SGIP1: variants seen among roughly 807,000 people sequenced by gnomAD.
The protein encoded by SGIP1 is SH3GL interacting endocytic adaptor 1, also known as SH3-containing GRB2-like protein 3-interacting protein 1.
A neutral mutation model predicts 107.5 loss-of-function variants in SGIP1; 38 were observed. The observed-to-expected ratio is 0.35, with a 90% CI of 0.27 to 0.46. The LOEUF is 0.46. Among genes scored for constraint, SGIP1 ranks in the 20% least tolerant of loss-of-function variants. The probability of loss-of-function intolerance (pLI) is 1.00; values close to 1 mark genes in which losing one functional copy is unlikely to be tolerated. For missense variants in SGIP1, 929 were observed against 1,019.5 expected, an observed-to-expected ratio of 0.91 and a Z score of 1.21; for synonymous variants, 365 against 366.1, an observed-to-expected ratio of 1.00 and a Z score of 0.03.
Position 66,656,349 on chromosome 1 carries a change from G to GT in SGIP1, c.460-4158dup, listed in dbSNP as rs947901684. 3.9e-5 allele frequency among the ~76,000 whole-genome samples: 6 copies of GT among 152,150 alleles called. 1 individual carries two copies. Among genetic ancestry groups the GT allele is most frequent in the Non-Finnish European group, 8.8e-5 (6 of 68,024 alleles). On this transcript the variant is annotated intron_variant, in intron 7 of 24. Transcript: ENST00000371037. ...AGGCTGTTTTACAGTTAGTTAACTT[G>GT]TTTTTTATAAGTGGAAGGAGTATAC...
chr1:66,600,039 A>AT (rs2065468955), intron 1 of SGIP1, among the ~76,000 whole-genome samples: 1 of 152,164 alleles, frequency 6.6e-6, no homozygotes, highest in Non-Finnish European at 1.5e-5. Context: ...GGTTTGACAC[A>AT]TTGGTCTCCA....
intron 16 of SGIP1, 152 bp downstream of exon 16, chr1:66,689,427 T>G: frequency 1.0e-6 from 1 of 993,234 alleles, no homozygotes; most frequent in Non-Finnish European, 1.4e-6. Context: ...GAGTGTACAT[T>G]TCAACCCTCC....
intron 18 of SGIP1, among the ~76,000 whole-genome samples, chr1:66,697,552 C>T (rs759312437): frequency 6.6e-6 from 1 of 152,128 alleles, no homozygotes; most frequent in African/African-American, 2.4e-5. Flanking sequence ...CTGTTTCTCT[C>T]GCTAAAAAAT....
At chr1:66,626,973 G>A (rs2072973838) in intron 2 of SGIP1, among the ~76,000 whole-genome samples, 2 of 152,096 alleles carry the variant, frequency 1.3e-5, no homozygotes, top group South Asian at 2.1e-4. Flanking sequence ...AAGATCCTGA[G>A]TATTTCCCTG....
chr1:66,616,633 G>C (rs930749115), intron 1 of SGIP1, among the ~76,000 whole-genome samples: 3 of 152,144 alleles, frequency 2.0e-5, no homozygotes, highest in Admixed American at 1.3e-4. Flanking sequence ...ATGGATCTTT[G>C]TACAGTTCTT....
At chr1:66,594,643 A>G (rs1167410218) in intron 1 of SGIP1, among the ~76,000 whole-genome samples, 2 of 152,092 alleles carry the variant, frequency 1.3e-5, no homozygotes, top group Non-Finnish European at 2.9e-5. Flanking sequence ...GCATATAAAG[A>G]TTTGAATATA....
intron 1 of SGIP1, among the ~76,000 whole-genome samples, chr1:66,621,341 G>T (rs987628661): frequency 2.4e-4 from 37 of 152,188 alleles, no homozygotes; most frequent in African/African-American, 7.7e-4. Context: ...AAGCCAATCT[G>T]CCTTGTTTCT....
intron 13 of SGIP1, among the ~76,000 whole-genome samples, chr1:66,679,020 G>T (rs531046013): frequency 3.9e-5 from 6 of 152,212 alleles, no homozygotes; most frequent in Non-Finnish European, 8.8e-5. Flanking sequence ...GACAAGTCCA[G>T]CTCAGAAGGG....
intron 1 of SGIP1, among the ~76,000 whole-genome samples, chr1:66,565,421 T>C (rs1441717443): frequency 2.6e-5 from 4 of 151,954 alleles, no homozygotes; most frequent in Admixed American, 1.3e-4. Flanking sequence ...TGAGTAGAAA[T>C]TCAAACTTAA....
chr1:66,729,610 T>C (rs374904369), intron 20 of SGIP1, among the ~76,000 whole-genome samples, 191 bp downstream of exon 20: 2 of 152,220 alleles, frequency 1.3e-5, no homozygotes, highest in East Asian at 3.8e-4. Context: ...TGTGAATGTG[T>C]GACTGCATAT....
At chr1:66,728,793 GT>G (rs2093877506) in intron 19 of SGIP1, among the ~76,000 whole-genome samples, 1 of 152,222 alleles carries the variant, frequency 6.6e-6, no homozygotes, top group South Asian at 2.1e-4. Flanking sequence ...ATGAGATCAT[GT>G]CCTTTGCAGG....
At chr1:66,631,133 A>G (rs1245623146) in intron 2 of SGIP1, among the ~76,000 whole-genome samples, 1 of 152,148 alleles carries the variant, frequency 6.6e-6, no homozygotes, top group Non-Finnish European at 1.5e-5. Flanking sequence ...ATATAGATAC[A>G]AAAAGAGAAT....
intron 19 of SGIP1, among the ~76,000 whole-genome samples, chr1:66,728,961 A>C (rs1007575490): frequency 4.6e-5 from 7 of 151,978 alleles, no homozygotes; most frequent in Non-Finnish European, 1.0e-4. Context: ...TTGAGGGAGG[A>C]GGATGGGAGA....
At chr1:66,581,826 CTG>C (rs986731902) in intron 1 of SGIP1, among the ~76,000 whole-genome samples, 1 of 152,038 alleles carries the variant, frequency 6.6e-6, no homozygotes, top group African/African-American at 2.4e-5. Flanking sequence ...AAAAAGAAGA[CTG>C]GATACTTTCA....
chr1:66,678,960 A>G (rs2086003613), intron 13 of SGIP1, among the ~76,000 whole-genome samples: 1 of 152,198 alleles, frequency 6.6e-6, no homozygotes, highest in Non-Finnish European at 1.5e-5. Context: ...AGAAAGAGGA[A>G]GAAGAAATGA....
At chr1:66,659,594 T>G (rs2080480923) in intron 7 of SGIP1, among the ~76,000 whole-genome samples, 2 of 152,008 alleles carry the variant, frequency 1.3e-5, no homozygotes, top group Admixed American at 6.6e-5. Context: ...CACAGATCTG[T>G]TTGATAAAAG....
At chr1:66,624,844 CTATGG>C (rs60249528) in intron 1 of SGIP1, among the ~76,000 whole-genome samples, 35,748 of 152,136 alleles carry the variant, frequency 0.23, 4,940 homozygotes, top group African/African-American at 0.38. Flanking sequence ...ATGTCTGTAA[CTATGG>C]AACATGTGAG....
At chr1:66,665,950 T>C (rs1557531629) in intron 8 of SGIP1, 1 of 151,988 alleles carries the variant, frequency 6.6e-6, no homozygotes, top group African/African-American at 2.4e-5. Flanking sequence ...TAGTTTCTTT[T>C]CCTGTGCAGA....
chr1:66,551,624 A>C (rs1372352516), intron 1 of SGIP1, among the ~76,000 whole-genome samples: 1 of 152,172 alleles, frequency 6.6e-6, no homozygotes, highest in Non-Finnish European at 1.5e-5. Context: ...ATATGTAAAA[A>C]CATGCCAATC....
Sources: allele counts gnomAD v4.1 joint callset (sites outside exome capture counted in the v4.1 genomes callset), GRCh38; gene constraint gnomAD v4.1.1; transcripts MANE v1.5; gene names NCBI Gene and HGNC (gene_info 2026-07-23, HGNC 2026-07-21).